NTNG2: variants seen among roughly 807,000 people sequenced by gnomAD.
The protein encoded by NTNG2 is netrin-G2.
A neutral mutation model predicts 47.6 loss-of-function variants in NTNG2; 15 were observed. The ratio of observed to expected loss-of-function variants is 0.32; its 90% CI spans 0.21 to 0.49. NTNG2 has a LOEUF of 0.49. NTNG2 is among the 20% of genes least tolerant of loss of function. The pLI, the probability that NTNG2 is intolerant of heterozygous loss-of-function variation, is 0.99. For synonymous variants in NTNG2, 307 were observed against 324.6 expected, an observed-to-expected ratio of 0.95 and a Z score of 0.58; for missense variants, 578 against 764.6, an observed-to-expected ratio of 0.76 and a Z score of 2.88.
At position 132,226,378 on chromosome 9, in the gene NTNG2, G is replaced by C. The variant is rs917906114; in HGVS notation, c.858-471G>C. Among the ~76,000 whole-genome samples the C allele has an allele frequency of 6.6e-6, 1 of 152,232 alleles. No homozygotes were observed. The highest frequency in any genetic ancestry group is 2.4e-5 in the African/African-American group (1 of 41,460). On this transcript the variant is annotated intron_variant, in intron 3 of 7. Transcript: ENST00000393229. This position sits in a 1 kb window ranked among gnomAD's most constrained non-coding sequence, Gnocchi z 4.8. Reference sequence around the variant, plus strand: ...CGTGGCTGTGGGCCACAACCTGACAGCAGAGGTCCAGCCTGAAGCCAGGTG... The same window carrying C: ...CGTGGCTGTGGGCCACAACCTGACACCAGAGGTCCAGCCTGAAGCCAGGTG...
chr9:132,169,986 C>T (rs916731080), intron 2 of NTNG2, among the ~76,000 whole-genome samples: 4 of 152,208 alleles, frequency 2.6e-5, no homozygotes, highest in African/African-American at 9.6e-5. Flanking sequence ...CACCAGGGGG[C>T]GCCCTAATGG....
At chr9:132,179,078 C>T (rs922536416) in intron 2 of NTNG2, among the ~76,000 whole-genome samples, 1 of 152,084 alleles carries the variant, frequency 6.6e-6, no homozygotes, top group African/African-American at 2.4e-5. Flanking sequence ...CCATGAGGAG[C>T]TTCAGACCCT....
chr9:132,185,859 G>A (rs1451142104), intron 2 of NTNG2, among the ~76,000 whole-genome samples: 1 of 148,998 alleles, frequency 6.7e-6, no homozygotes, highest in Admixed American at 6.6e-5. Context: ...AGGAGGAGTG[G>A]GAGGAGGAGG....
In NTNG2 at chr9:132,236,230, G is replaced by A. The variant is rs1841617285; in HGVS notation, c.1055-2874G>A. ...CATTCCAGGCCGCAGGGCCAGCCGG[G>A]GCAAAGGCTTGGCAGTGGGATGGCA... On this transcript the variant is annotated intron_variant, in intron 5 of 7. Coordinates refer to ENST00000393229, the MANE Select transcript of NTNG2 (RefSeq NM_032536.4). The surrounding 1 kb of genome is among the most constrained non-coding windows in gnomAD (Gnocchi z 4.3). Among the ~76,000 whole-genome samples the A allele has an allele frequency of 6.6e-6, 1 of 152,238 alleles. No individual in the cohort carries two copies. The highest frequency in any genetic ancestry group is 2.1e-4 in the South Asian group (1 of 4,830).
Position 132,198,130 on chromosome 9 carries a change from G to C in NTNG2, c.378G>C (p.Ser126=), listed in dbSNP as rs748108838. 1.9e-6 allele frequency: 3 copies of C among 1,613,724 alleles called. No homozygotes were observed. The highest frequency in any genetic ancestry group is 1.7e-6 in the Non-Finnish European group (2 of 1,180,038). Residue 126 remains serine, a synonymous_variant, in exon 3 of 8, where the codon TCG becomes TCC. Coordinates refer to ENST00000393229, the MANE Select transcript of NTNG2 (RefSeq NM_032536.4). ...PSPLEANITL[S]WNKTVELTDD... ...CGCTGGAAGCCAACATCACCCTTTC[G>C]TGGAACAAGACCGTGGAGCTGACCG...
At chr9:132,177,461 A>G (rs1345351933) in intron 2 of NTNG2, among the ~76,000 whole-genome samples, 1 of 151,964 alleles carries the variant, frequency 6.6e-6, no homozygotes, top group Non-Finnish European at 1.5e-5. Context: ...ATCCATTTTG[A>G]GTTAATTTTT....
At chr9:132,187,468 C>T (rs1181856691) in intron 2 of NTNG2, among the ~76,000 whole-genome samples, 3 of 151,988 alleles carry the variant, frequency 2.0e-5, no homozygotes, top group Non-Finnish European at 2.9e-5. Context: ...GACACCTGCA[C>T]GCTGGGGAAG....
chr9:132,182,256 A>T lies in NTNG2; in HGVS notation c.213+15212A>T, dbSNP rs1837003877. On this transcript the variant is annotated intron_variant, in intron 2 of 7. Transcript: ENST00000393229. The surrounding 1 kb of genome is among the most constrained non-coding windows in gnomAD (Gnocchi z 4.2). The stretch of plus-strand genomic sequence containing the variant: ...GTTTTTCTGGGGAAGGAGTGGGGGA[A>T]AAAATTGCACCCAACAATGGACAAT... 6.7e-6 allele frequency among the ~76,000 whole-genome samples: 1 copy of T among 150,194 alleles called. No homozygotes were observed. Among genetic ancestry groups the T allele is most frequent in the South Asian group, 2.1e-4 (1 of 4,830 alleles).
chr9:132,192,139 G>C (rs1353291584), intron 2 of NTNG2, among the ~76,000 whole-genome samples: 3 of 152,200 alleles, frequency 2.0e-5, no homozygotes, highest in Non-Finnish European at 2.9e-5. Context: ...CCCAGAGGAG[G>C]CTGGCAAACC....
At chr9:132,219,560 A>G (rs961022690) in intron 3 of NTNG2, among the ~76,000 whole-genome samples, 3 of 136,834 alleles carry the variant, frequency 2.2e-5, no homozygotes, top group African/African-American at 8.9e-5. Flanking sequence ...GTGACAGAGC[A>G]AGACTCTGTC....
chr9:132,200,314 G>A (rs1020624526), intron 3 of NTNG2, among the ~76,000 whole-genome samples: 2 of 152,088 alleles, frequency 1.3e-5, no homozygotes, highest in African/African-American at 4.8e-5. Context: ...AGCCCAGCTG[G>A]GATGATCACT....
Position 132,244,517 on chromosome 9 carries a change from G to A in NTNG2, c.*2406G>A, listed in dbSNP as rs1842153686. ...TGTGAGAAAAAAAATAAACGGTGATGTGATTAAAACACTAGAATTTGGGTT... is the reference window on the plus strand; with the variant it reads ...TGTGAGAAAAAAAATAAACGGTGATATGATTAAAACACTAGAATTTGGGTT... On this transcript the variant is annotated 3_prime_UTR_variant, in exon 8 of 8. Coordinates refer to ENST00000393229, the MANE Select transcript of NTNG2 (RefSeq NM_032536.4). 1 of 152,258 alleles carries A rather than the reference G, an allele frequency of 6.6e-6. No individual in the cohort carries two copies. The highest frequency in any genetic ancestry group is 2.4e-5 in the African/African-American group (1 of 41,458). The allele number at this position is 152,258 out of a possible 1,614,324, so 9.4% of individuals were successfully genotyped here.
intron 2 of NTNG2, among the ~76,000 whole-genome samples, chr9:132,168,104 C>T (rs1439752507): frequency 2.0e-5 from 3 of 152,210 alleles, no homozygotes; most frequent in Admixed American, 6.5e-5. Context: ...GGTGGGGTAA[C>T]TGAGGCAGCC....
Position 132,226,760 on chromosome 9 carries a change from CCCCTCCTGGGAGGCGCT to C in NTNG2, c.858-86_858-70del. ...CTGGGCAGCCCAACACCCTCCTGGG[CCCCTCCTGGGAGGCGCT>C]CCTTTCCCCAGAGGCCAGGCCAGGC... On this transcript the variant is annotated intron_variant, in intron 3 of 7. Transcript: ENST00000393229. This position sits in a 1 kb window ranked among gnomAD's most constrained non-coding sequence, Gnocchi z 4.8. 1 of 1,231,314 alleles carries C rather than the reference CCCCTCCTGGGAGGCGCT, an allele frequency of 8.1e-7. No homozygotes were observed. Among genetic ancestry groups the C allele is most frequent in the Non-Finnish European group, 1.1e-6 (1 of 909,580 alleles). 76.3% of individuals were successfully genotyped at this position (1,231,314 alleles called of 1,614,324 possible).
chr9:132,206,996 G>A (rs974349884), intron 3 of NTNG2, among the ~76,000 whole-genome samples: 1 of 152,270 alleles, frequency 6.6e-6, no homozygotes, highest in Admixed American at 6.5e-5. Flanking sequence ...GAGAGGGCAG[G>A]AGGGGCATCT....
At chr9:132,211,848 G>T (rs1839613718) in intron 3 of NTNG2, among the ~76,000 whole-genome samples, 1 of 152,144 alleles carries the variant, frequency 6.6e-6, no homozygotes, top group Non-Finnish European at 1.5e-5. Context: ...GCAGGGATGG[G>T]GTCTGGCTTG....
At chr9:132,241,119 C>A in intron 7 of NTNG2, 75 bp downstream of exon 7, 2 of 1,459,052 alleles carry the variant, frequency 1.4e-6, no homozygotes, top group Non-Finnish European at 1.8e-6. Flanking sequence ...TGGGCGGGGC[C>A]TAGTGGGACG....
chr9:132,178,110 C>T lies in NTNG2; in HGVS notation c.213+11066C>T, dbSNP rs918511333. ...TCCAAAACTGAGTGAAGTCAAGGCT[C>T]AAACTCAGATCCCAGTCATTTGATG... On this transcript the variant is annotated intron_variant, in intron 2 of 7. Transcript: ENST00000393229. Among the ~76,000 whole-genome samples, 8 of 152,346 alleles carry T rather than the reference C, an allele frequency of 5.3e-5. 2 individuals are homozygous for T. In the South Asian group the frequency reaches 1.7e-3, roughly 32 times the overall value.
rs1840370049 is a variant in NTNG2 at position 132,221,815 on chromosome 9, G to A, written c.858-5034G>A. 1.3e-5 allele frequency among the ~76,000 whole-genome samples: 2 copies of A among 152,226 alleles called. No individual in the cohort carries two copies. The highest frequency in any genetic ancestry group is 4.8e-5 in the African/African-American group (2 of 41,458). ...AGCCTGTCCAGCTCTGACATCCAAT[G>A]GCTACCTATTATCACTGTTACAATA... On this transcript the variant is annotated intron_variant, in intron 3 of 7. Coordinates refer to ENST00000393229, the MANE Select transcript of NTNG2 (RefSeq NM_032536.4). This position sits in a 1 kb window ranked among gnomAD's most constrained non-coding sequence, Gnocchi z 4.2.
Sources: gnomAD v4.1 joint callset for allele counts (sites outside exome capture counted in the v4.1 genomes callset) on GRCh38, gnomAD v4.1.1 for gene constraint, Gnocchi (gnomAD v3.1) non-coding constraint, MANE v1.5 for transcripts, NCBI Gene and HGNC (gene_info 2026-07-23, HGNC 2026-07-21) for gene names.